The following ERC1 variants were observed in gnomAD, a reference collection of about 807,000 sequenced individuals.
ERC1 encodes RAB6 interacting protein 2.
A neutral mutation model predicts 132.0 loss-of-function variants in ERC1; 56 were observed. That is an observed-to-expected ratio of 0.42 (90% CI 0.34 to 0.53). The LOEUF (loss-of-function observed/expected upper bound fraction) is 0.53, where lower values mean the gene tolerates loss of function less well. ERC1 is among the 20% of genes least tolerant of loss of function. ERC1 has a pLI of 0.03. For missense variants in ERC1, 1,202 were observed against 1,349.9 expected, an observed-to-expected ratio of 0.89 and a Z score of 1.72; for synonymous variants, 478 against 476.1, an observed-to-expected ratio of 1.00 and a Z score of -0.05.
intron 15 of ERC1, among the ~76,000 whole-genome samples, chr12:1,349,188 G>T (rs145588857): frequency 2.0e-5 from 3 of 152,150 alleles, no homozygotes; most frequent in Non-Finnish European, 4.4e-5. Flanking sequence ...AGTCAGTTCC[G>T]TGTTTATAAC....
chr12:1,228,351 TG>T (rs1566313328), intron 12 of ERC1, among the ~76,000 whole-genome samples: 14 of 152,174 alleles, frequency 9.2e-5, no homozygotes, highest in African/African-American at 2.4e-4. Context: ...TTCAGCCAGT[TG>T]TATACAAAAA....
chr12:1,442,484 T>C (rs2093184873), intron 17 of ERC1, among the ~76,000 whole-genome samples: 2 of 152,318 alleles, frequency 1.3e-5, no homozygotes, highest in African/African-American at 4.8e-5. Flanking sequence ...GTTTATCGTT[T>C]ATCCTTAGAG....
At chr12:1,065,456 T>A (rs1452957085) in intron 2 of ERC1, among the ~76,000 whole-genome samples, 3 of 151,350 alleles carry the variant, frequency 2.0e-5, no homozygotes, top group Non-Finnish European at 4.4e-5. Flanking sequence ...ACTGATGAAT[T>A]GTTTTCCTAT....
rs71441650 is a variant in ERC1, at chr12:1,485,201, C to CTTTTTTT, written c.3214-4877_3214-4871dup. Among the ~76,000 whole-genome samples, 39 of 96,388 alleles carry CTTTTTTT rather than the reference C, an allele frequency of 4.0e-4. 1 individual carries two copies. The highest frequency in any genetic ancestry group is 5.2e-4 in the African/African-American group (12 of 22,978). 63.2% of individuals were successfully genotyped at this position (96,388 alleles called of 152,430 possible). A position where few individuals can be genotyped will look rare whatever the true frequency, so the allele number is the denominator to read the frequency against. On this transcript the variant is annotated intron_variant, in intron 18 of 18. Coordinates refer to ENST00000360905, the MANE Select transcript of ERC1 (RefSeq NM_178040.4). ...CCCAAACCTGGTCAAGTTTATATTTCTTTTTTTTTTTTTTTTTTTTTGAGA... is the reference window on the plus strand; with the variant it reads ...CCCAAACCTGGTCAAGTTTATATTTCTTTTTTTTTTTTTTTTTTTTTTTTTTTTGAGA...
At chr12:1,108,048 C>G (rs74057018) in intron 4 of ERC1, among the ~76,000 whole-genome samples, 1 of 152,124 alleles carries the variant, frequency 6.6e-6, no homozygotes, top group Non-Finnish European at 1.5e-5. Context: ...GTTGGAATGA[C>G]TTTCCTTAAA....
intron 17 of ERC1, among the ~76,000 whole-genome samples, chr12:1,410,662 G>A (rs1324375261): frequency 2.9e-5 from 4 of 136,916 alleles, no homozygotes; most frequent in South Asian, 2.3e-4. Context: ...TTTTTTTCTC[G>A]TTGTGTGTTA....
chr12:1,333,641 T>A (rs868112584), intron 15 of ERC1, among the ~76,000 whole-genome samples: 4 of 152,304 alleles, frequency 2.6e-5, no homozygotes, highest in South Asian at 4.2e-4. Flanking sequence ...CCACATTTTC[T>A]TTAGTCTATC....
intron 16 of ERC1, among the ~76,000 whole-genome samples, chr12:1,374,987 T>C (rs917761037): frequency 3.9e-5 from 6 of 152,202 alleles, no homozygotes; most frequent in Admixed American, 3.9e-4. Flanking sequence ...CCATATATTC[T>C]TTGATTCCAG....
chr12:1,385,496 G>A (rs925472861), intron 16 of ERC1, among the ~76,000 whole-genome samples: 1 of 152,124 alleles, frequency 6.6e-6, no homozygotes, highest in Non-Finnish European at 1.5e-5. Context: ...GTGTTAGCCA[G>A]GATGGTCTCG....
At chr12:1,204,489 T>C (rs1957182927) in intron 12 of ERC1, 1 of 1,587,706 alleles carries the variant, frequency 6.3e-7, no homozygotes, top group Non-Finnish European at 8.5e-7. Flanking sequence ...CTGGATTTCC[T>C]GTTTCCTTCA....
At chr12:1,352,914 G>T (rs11831980) in intron 15 of ERC1, among the ~76,000 whole-genome samples, 53,064 of 151,864 alleles carry the variant, frequency 0.35, 9,840 homozygotes, top group African/African-American at 0.46. Flanking sequence ...ATGGCTTTTT[G>T]CTTTTAAAAA....
At chr12:1,464,499 G>T (rs2093702372) in intron 18 of ERC1, among the ~76,000 whole-genome samples, 2 of 134,260 alleles carry the variant, frequency 1.5e-5, no homozygotes, top group African/African-American at 5.4e-5. Context: ...TTGCAGCAAA[G>T]AATGCAAAAG....
chr12:1,487,646 G>A (rs979658864), intron 18 of ERC1, among the ~76,000 whole-genome samples: 15 of 150,600 alleles, frequency 1.0e-4, no homozygotes, highest in African/African-American at 3.7e-4. Context: ...CATGAGGTCA[G>A]GAGGTCGAGG....
chr12:1,107,577 G>T (rs1945398120), intron 4 of ERC1, among the ~76,000 whole-genome samples: 1 of 152,164 alleles, frequency 6.6e-6, no homozygotes, highest in South Asian at 2.1e-4. Flanking sequence ...TGGACTGGAG[G>T]ATGAGATCAT....
At chr12:1,097,106 G>A (rs541717582) in intron 3 of ERC1, among the ~76,000 whole-genome samples, 12 of 150,344 alleles carry the variant, frequency 8.0e-5, no homozygotes, top group East Asian at 3.9e-4. Flanking sequence ...TTTTTTTCTC[G>A]TGCAGTTGGA....
intron 15 of ERC1, among the ~76,000 whole-genome samples, chr12:1,290,277 ATCT>A (rs1265499221): frequency 6.6e-6 from 1 of 152,114 alleles, no homozygotes; most frequent in African/African-American, 2.4e-5. Context: ...AATTCCTAAA[ATCT>A]TCTGGAAAGT....
chr12:1,415,057 A>C (rs1176733257), intron 17 of ERC1, among the ~76,000 whole-genome samples: 1 of 152,284 alleles, frequency 6.6e-6, no homozygotes, highest in African/African-American at 2.4e-5. Flanking sequence ...AAGGAAAATC[A>C]TAATGAAGTC....
chr12:1,158,818 G>A (rs548695662), intron 8 of ERC1, among the ~76,000 whole-genome samples: 18 of 151,922 alleles, frequency 1.2e-4, no homozygotes, highest in African/African-American at 4.3e-4. Flanking sequence ...TTGTATGAAG[G>A]GTTATGGGTG....
chr12:1,384,057 C>A (rs1054505241), intron 16 of ERC1, among the ~76,000 whole-genome samples: 1 of 152,186 alleles, frequency 6.6e-6, no homozygotes, highest in Non-Finnish European at 1.5e-5. Flanking sequence ...AAATGTGTTA[C>A]CATCATTACA....
Sources: gnomAD v4.1 joint callset for allele counts (sites outside exome capture counted in the v4.1 genomes callset) on GRCh38, gnomAD v4.1.1 for gene constraint, MANE v1.5 for transcripts, NCBI Gene and HGNC (gene_info 2026-07-23, HGNC 2026-07-21) for gene names.